RAB38: variants seen among roughly 807,000 people sequenced by gnomAD.
RAB38 encodes ras-related protein Rab-38.
A neutral mutation model predicts 18.4 loss-of-function variants in RAB38; 15 were observed. The ratio of observed to expected loss-of-function variants is 0.82; its 90% CI spans 0.55 to 1.26. The LOEUF (loss-of-function observed/expected upper bound fraction) is 1.26. RAB38 is among the 50% of genes most tolerant of loss of function. The probability of loss-of-function intolerance (pLI) is 0.00; values close to 1 mark genes in which losing one functional copy is unlikely to be tolerated. For synonymous variants in RAB38, 101 were observed against 104.4 expected (o/e 0.97, Z 0.20); for missense variants, 294 against 267.4 (o/e 1.10, Z -0.69).
At chr11:88,085,890 T>G in the RAB38 span, among the ~76,000 whole-genome samples, 1 of 151,916 alleles carries the variant, frequency 6.6e-6, no homozygotes, top group Non-Finnish European at 1.5e-5. Flanking sequence ...TTGAGGCTGT[T>G]CTTACACCTG....
the RAB38 span, among the ~76,000 whole-genome samples, chr11:87,885,979 G>T: frequency 6.6e-6 from 1 of 151,954 alleles, no homozygotes; most frequent in East Asian, 2.0e-4. Flanking sequence ...GAGAGAAGCT[G>T]AGGCAGGGCT....
the RAB38 span, among the ~76,000 whole-genome samples, chr11:88,070,167 G>A: frequency 3.3e-5 from 5 of 152,106 alleles, no homozygotes; most frequent in African/African-American, 1.2e-4. Flanking sequence ...CACCACGAAG[G>A]TCTGCAGCTT....
intron 2 of RAB38, among the ~76,000 whole-genome samples, chr11:88,134,734 G>A (rs867014260): frequency 2.0e-5 from 3 of 152,146 alleles, no homozygotes; most frequent in Non-Finnish European, 4.4e-5. Flanking sequence ...CAGCTGATCT[G>A]CTTCCAACCT....
At chr11:88,134,316 C>T (rs1006008090) in intron 2 of RAB38, among the ~76,000 whole-genome samples, 6 of 152,172 alleles carry the variant, frequency 3.9e-5, no homozygotes, top group African/African-American at 1.4e-4. Flanking sequence ...TCTAGGCTCA[C>T]TGCAACCTCC....
the RAB38 span, among the ~76,000 whole-genome samples, chr11:87,928,718 T>C: frequency 5.3e-5 from 8 of 152,056 alleles, no homozygotes; most frequent in African/African-American, 1.9e-4. Flanking sequence ...TATTTTCAAA[T>C]AGAACCACAA....
At chr11:88,032,121 C>A in the RAB38 span, among the ~76,000 whole-genome samples, 2 of 151,636 alleles carry the variant, frequency 1.3e-5, no homozygotes, top group East Asian at 3.9e-4. Flanking sequence ...GAAAAACAAG[C>A]AATGGGGAAA....
At chr11:87,857,770 T>G in the RAB38 span, among the ~76,000 whole-genome samples, 8,902 of 152,226 alleles carry the variant, frequency 0.058, 389 homozygotes, top group African/African-American at 0.13. Flanking sequence ...ATTAGCCTTT[T>G]TCAGATGAGT....
At chr11:87,823,245 T>C in the RAB38 span, among the ~76,000 whole-genome samples, 3 of 152,146 alleles carry the variant, frequency 2.0e-5, no homozygotes, top group African/African-American at 4.8e-5. Context: ...CCAGAAAACA[T>C]TGGTCAATTA....
At chr11:88,054,619 T>C in the RAB38 span, among the ~76,000 whole-genome samples, 9 of 152,202 alleles carry the variant, frequency 5.9e-5, no homozygotes. Flanking sequence ...GTCAGAAATC[T>C]CACTAGATAT....
the RAB38 span, among the ~76,000 whole-genome samples, chr11:88,031,831 T>C: frequency 6.6e-6 from 1 of 152,206 alleles, no homozygotes; most frequent in African/African-American, 2.4e-5. Flanking sequence ...TTCAATACCA[T>C]TCCCATGAAG....
chr11:88,100,461 T>C, the RAB38 span, among the ~76,000 whole-genome samples: 1 of 151,948 alleles, frequency 6.6e-6, no homozygotes, highest in Admixed American at 6.6e-5. Context: ...AATATTATAA[T>C]TCATCGTCCA....
At chr11:88,121,765 T>C (rs1166684283) in intron 2 of RAB38, among the ~76,000 whole-genome samples, 3 of 152,130 alleles carry the variant, frequency 2.0e-5, no homozygotes, top group Non-Finnish European at 4.4e-5. Flanking sequence ...GGTTTCACCA[T>C]GTTGGCCAGG....
the RAB38 span, among the ~76,000 whole-genome samples, chr11:88,086,685 T>G: frequency 6.6e-6 from 1 of 151,878 alleles, no homozygotes; most frequent in Non-Finnish European, 1.5e-5. Flanking sequence ...GCATATGAAT[T>G]TGGTGTCAAG....
At chr11:87,946,618 G>A in the RAB38 span, among the ~76,000 whole-genome samples, 4 of 151,736 alleles carry the variant, frequency 2.6e-5, no homozygotes, top group African/African-American at 4.8e-5. Flanking sequence ...TCAATTCCCA[G>A]GTATAAGTGA....
At chr11:87,947,288 GCT>G in the RAB38 span, among the ~76,000 whole-genome samples, 2 of 151,852 alleles carry the variant, frequency 1.3e-5, no homozygotes, top group Non-Finnish European at 2.9e-5. Context: ...CTGGATATTA[GCT>G]CTTTGTCAGA....
chr11:88,172,446 G>A (rs1483812360), intron 1 of RAB38, among the ~76,000 whole-genome samples: 1 of 152,196 alleles, frequency 6.6e-6, no homozygotes, highest in Non-Finnish European at 1.5e-5. Flanking sequence ...AACCAAATGA[G>A]TATCAAGAGT....
chr11:88,030,944 A>C, the RAB38 span, among the ~76,000 whole-genome samples: 12 of 151,652 alleles, frequency 7.9e-5, no homozygotes, highest in East Asian at 2.1e-3. Context: ...ATTTTAGACC[A>C]ATATCCTTGA....
At chr11:87,937,382 T>C in the RAB38 span, among the ~76,000 whole-genome samples, 2 of 146,466 alleles carry the variant, frequency 1.4e-5, no homozygotes, top group African/African-American at 5.0e-5. Flanking sequence ...TTTTGTTAAG[T>C]ATATTATGAG....
At chr11:87,862,147 A>G in the RAB38 span, among the ~76,000 whole-genome samples, 1 of 152,020 alleles carries the variant, frequency 6.6e-6, no homozygotes, top group African/African-American at 2.4e-5. Context: ...TTGACCCAGC[A>G]ATACCATTAC....
Sources: allele counts gnomAD v4.1 joint callset (sites outside exome capture counted in the v4.1 genomes callset), GRCh38; gene constraint gnomAD v4.1.1; transcripts MANE v1.5; gene names NCBI Gene and HGNC (gene_info 2026-07-23, HGNC 2026-07-21).